The following TENM2 variants were observed in gnomAD, a reference collection of about 807,000 sequenced individuals.
The protein encoded by TENM2 is teneurin-2.
A neutral mutation model predicts 245.2 loss-of-function variants in TENM2; 52 were observed. That is an observed-to-expected ratio of 0.21 (90% confidence interval 0.17 to 0.27). The LOEUF (loss-of-function observed/expected upper bound fraction) is 0.27, where lower values mean the gene tolerates loss of function less well. Ranked by LOEUF, TENM2 falls within the 10% of genes least tolerant of loss-of-function variation. TENM2 has a pLI of 1.00. For missense variants in TENM2, 3,046 were observed against 3,666.8 expected (o/e 0.83, Z 4.37); for synonymous variants, 1,363 against 1,438.9 (o/e 0.95, Z 1.19).
intron 17 of TENM2, among the ~76,000 whole-genome samples, chr5:168,201,487 C>T (rs1382286012): frequency 6.6e-5 from 10 of 152,032 alleles, no homozygotes; most frequent in Admixed American, 2.0e-4. Flanking sequence ...TCCATACCCC[C>T]GTCTACTCCC....
At chr5:167,610,078 T>A (rs558485091) in intron 2 of TENM2, among the ~76,000 whole-genome samples, 9 of 152,202 alleles carry the variant, frequency 5.9e-5, no homozygotes, top group East Asian at 1.9e-4. Flanking sequence ...CTAGAGTGAC[T>A]CACAGAACTC....
chr5:167,747,932 C>T (rs536433449), intron 2 of TENM2, among the ~76,000 whole-genome samples: 3 of 152,204 alleles, frequency 2.0e-5, no homozygotes, highest in Non-Finnish European at 4.4e-5. Flanking sequence ...TCTTATGAAG[C>T]TTCTCTGGTT....
the TENM2 span, among the ~76,000 whole-genome samples, chr5:167,013,702 G>T: frequency 1.3e-5 from 2 of 152,058 alleles, no homozygotes; most frequent in African/African-American, 2.4e-5. Context: ...GCGAGACTCC[G>T]TCTCAAAAAT....
intron 2 of TENM2, among the ~76,000 whole-genome samples, chr5:167,801,107 AAAATATATATATATAT>A (rs1412430572): frequency 1.1e-4 from 7 of 63,752 alleles, no homozygotes; most frequent in South Asian, 7.0e-4. Flanking sequence ...AAAAAAAAAA[AAAATATATATATATAT>A]ATATATATAT....
At chr5:167,873,582 G>A (rs1276188969) in intron 2 of TENM2, among the ~76,000 whole-genome samples, 1 of 152,188 alleles carries the variant, frequency 6.6e-6, no homozygotes, top group Admixed American at 6.5e-5. Flanking sequence ...GGACTGTTTT[G>A]AGGATTAAAT....
chr5:167,909,170 C>T (rs1776353171), intron 3 of TENM2, among the ~76,000 whole-genome samples: 1 of 150,336 alleles, frequency 6.7e-6, no homozygotes, highest in Non-Finnish European at 1.5e-5. Context: ...TAGAAACTTA[C>T]AGCATATATT....
chr5:167,081,223 G>T, the TENM2 span, among the ~76,000 whole-genome samples: 3 of 151,742 alleles, frequency 2.0e-5, no homozygotes, highest in Non-Finnish European at 4.4e-5. Flanking sequence ...CAAAAGACAT[G>T]ATATTTTTTC....
At chr5:167,758,148 C>T (rs550309530) in intron 2 of TENM2, among the ~76,000 whole-genome samples, 32 of 152,220 alleles carry the variant, frequency 2.1e-4, no homozygotes, top group Non-Finnish European at 3.8e-4. Context: ...TTCATAAAAC[C>T]TCACAGTGTC....
intron 2 of TENM2, among the ~76,000 whole-genome samples, chr5:167,831,280 C>A (rs147502346): frequency 3.2e-4 from 48 of 152,120 alleles, no homozygotes; most frequent in Admixed American, 1.2e-3. Flanking sequence ...AGCATTATTC[C>A]TCACAATTGA....
chr5:167,537,113 G>A, intron 2 of TENM2, among the ~76,000 whole-genome samples: 1 of 151,894 alleles, frequency 6.6e-6, no homozygotes, highest in Non-Finnish European at 1.5e-5. Flanking sequence ...GGATTGAAAT[G>A]TTTCAAAGTT....
Position 167,602,249 on chromosome 5 carries a change from G to A in TENM2, c.502+226776G>A, listed in dbSNP as rs188726919. 1.1e-4 allele frequency among the ~76,000 whole-genome samples: 17 copies of A among 151,970 alleles called. 1 individual carries two copies. The highest frequency in any genetic ancestry group is 1.0e-3 in the Admixed American group (16 of 15,262). On this transcript the variant is annotated intron_variant, in intron 2 of 28. Transcript: ENST00000518659. The stretch of plus-strand genomic sequence containing the variant: ...CTTGTTTGTTTCTCATCTATTTCTC[G>A]CCAAAGAAGGAAAAATGAGCCAAAC...
intron 2 of TENM2, among the ~76,000 whole-genome samples, chr5:167,650,312 A>G (rs1250493703): frequency 6.6e-6 from 1 of 152,182 alleles, no homozygotes; most frequent in Non-Finnish European, 1.5e-5. Context: ...ACATTTATGA[A>G]GTTGTTTGAT....
intron 1 of TENM2, among the ~76,000 whole-genome samples, chr5:167,364,895 G>GA (rs888488571): frequency 1.3e-4 from 20 of 152,012 alleles, no homozygotes; most frequent in Admixed American, 7.2e-4. Flanking sequence ...CTCAGTAACT[G>GA]AAAAAATATC....
chr5:167,754,960 A>T lies in TENM2; in HGVS notation c.503-121026A>T, dbSNP rs535030951. 5.6e-4 allele frequency: 827 copies of T among 1,483,284 alleles called. 10 individuals carry two copies. In the South Asian group the frequency reaches 0.011, roughly 19 times the overall value. 91.9% of individuals were successfully genotyped at this position (1,483,284 alleles called of 1,614,324 possible). ...TATGCTTTTCCTTCCCAGCTGGAGA[A>T]GGCCTCAGCTGTGTCAGACTGGGAC... On this transcript the variant is annotated intron_variant, in intron 2 of 28. Transcript: ENST00000518659.
intron 3 of TENM2, among the ~76,000 whole-genome samples, chr5:167,938,951 A>AT (rs1778951958): frequency 6.6e-6 from 1 of 152,086 alleles, no homozygotes; most frequent in Non-Finnish European, 1.5e-5. Flanking sequence ...TCAAAAAAAA[A>AT]AAAAAAAAAT....
intron 2 of TENM2, among the ~76,000 whole-genome samples, chr5:167,564,752 G>GT (rs1159957036): frequency 1.3e-5 from 2 of 152,130 alleles, no homozygotes; most frequent in African/African-American, 4.8e-5. Flanking sequence ...CCTCCTCTTG[G>GT]TTTTTCATCT....
intron 27 of TENM2, among the ~76,000 whole-genome samples, chr5:168,249,642 T>G (rs1047295167): frequency 7.2e-5 from 11 of 152,190 alleles, no homozygotes; most frequent in African/African-American, 2.2e-4. Flanking sequence ...GAGAATAGCA[T>G]GAAAGGAGGG....
intron 2 of TENM2, among the ~76,000 whole-genome samples, chr5:167,649,818 T>C (rs1754324931): frequency 1.3e-5 from 2 of 152,316 alleles, no homozygotes; most frequent in Middle Eastern, 3.4e-3. Context: ...CTATAAGTAG[T>C]AGATTCATAT....
chr5:168,059,289 T>A (rs894995040), intron 6 of TENM2, among the ~76,000 whole-genome samples: 1 of 152,196 alleles, frequency 6.6e-6, no homozygotes, highest in African/African-American at 2.4e-5. Flanking sequence ...AGCATCTGCA[T>A]CTGGCTTGAT....
Sources: allele counts gnomAD v4.1 joint callset (sites outside exome capture counted in the v4.1 genomes callset), GRCh38; gene constraint gnomAD v4.1.1; transcripts MANE v1.5; gene names NCBI Gene and HGNC (gene_info 2026-07-23, HGNC 2026-07-21).